The following MYEF2 variants were observed in gnomAD, a reference collection of about 807,000 sequenced individuals.
The protein encoded by MYEF2 is myelin expression factor 2.
MYEF2 carries 37 observed loss-of-function variants against 75.2 expected under a neutral mutation model. That is an observed-to-expected ratio of 0.49 (90% confidence interval 0.38 to 0.65). The LOEUF (loss-of-function observed/expected upper bound fraction) is 0.65. Ranked by LOEUF, MYEF2 falls within the 30% of genes least tolerant of loss-of-function variation. The pLI is 0.00. For missense variants in MYEF2, 634 were observed against 771.4 expected, an observed-to-expected ratio of 0.82 and a Z score of 2.11; for synonymous variants, 195 against 241.6, an observed-to-expected ratio of 0.81 and a Z score of 1.79.
chr15:48,172,282 C>G (rs2040368075), intron 1 of MYEF2, among the ~76,000 whole-genome samples: 1 of 151,920 alleles, frequency 6.6e-6, no homozygotes, highest in African/African-American at 2.4e-5. Context: ...TGCCTGTAAT[C>G]CCAGCTGCTT....
chr15:48,169,204 A>G (rs1288282960), intron 1 of MYEF2, among the ~76,000 whole-genome samples: 7 of 152,222 alleles, frequency 4.6e-5, no homozygotes, highest in Non-Finnish European at 8.8e-5. Context: ...CCTTTGATGG[A>G]GAATTAACTT....
intron 12 of MYEF2, 117 bp downstream of exon 12, chr15:48,151,757 G>T: frequency 1.6e-6 from 2 of 1,253,494 alleles, no homozygotes; most frequent in Middle Eastern, 1.9e-4. Context: ...TTATCCCCTA[G>T]TGCCTATATG....
intron 1 of MYEF2, among the ~76,000 whole-genome samples, chr15:48,176,858 A>C (rs184145142): frequency 6.5e-4 from 99 of 152,148 alleles, no homozygotes; most frequent in Admixed American, 1.0e-3. Context: ...AACTCCACTA[A>C]GTTCCAATCT....
rs1183906552 is a variant in MYEF2 at position 48,139,973 on chromosome 15, G to A, written c.*2935C>T. On this transcript the variant is annotated 3_prime_UTR_variant, in exon 17 of 17. Coordinates refer to ENST00000324324, the MANE Select transcript of MYEF2 (RefSeq NM_016132.5). ...CAACAGAAATCACACAGCCTGCAAA[G>A]CCTAAATAATTACTATCTGGCCCCT... 2.0e-5 allele frequency: 3 copies of A among 152,170 alleles called. No homozygotes were observed. In the East Asian group the frequency reaches 5.8e-4, roughly 29 times the overall value. 9.4% of individuals were successfully genotyped at this position (152,170 alleles called of 1,614,324 possible).
At position 48,159,782 on chromosome 15, in the gene MYEF2, C is replaced by A; in HGVS notation, c.548G>T (p.Arg183Leu). 6.2e-6 allele frequency: 10 copies of A among 1,612,954 alleles called. No individual in the cohort carries two copies. The highest frequency in any genetic ancestry group is 1.7e-4 in the Middle Eastern group (1 of 6,052). Residue 183 changes from arginine (R) to leucine (L), a missense_variant, in exon 6 of 17, where the codon CGT becomes CTT. Physicochemically the swap from Arg to Leu is moderately radical, Grantham distance 102 (BLOSUM62 -2). Coordinates refer to ENST00000324324, the MANE Select transcript of MYEF2 (RefSeq NM_016132.5). The stretch of plus-strand genomic sequence containing the variant: ...TCCTCCTGTTCGCTGCAATGCCCTA[C>A]GAGCATTTTCTCCATCAGGATCCTA... ...IKEDPDGENA[R>L]RALQRTGGSF...
At position 48,142,353 on chromosome 15, in the gene MYEF2, A is replaced by G. The variant is rs140325992; in HGVS notation, c.*555T>C. The stretch of plus-strand genomic sequence containing the variant: ...AAAATAAGGGGCTGTGGAGGTTGAT[A>G]TTATTAATAGTGTTATGCAGAAAAT... On this transcript the variant is annotated 3_prime_UTR_variant, in exon 17 of 17. Transcript: ENST00000324324. 3.8e-6 allele frequency: 6 copies of G among 1,574,268 alleles called. No homozygotes were observed. In the African/African-American group the frequency reaches 5.5e-5, roughly 14 times the overall value.
chr15:48,161,564 C>T (rs943279145), intron 5 of MYEF2, among the ~76,000 whole-genome samples: 4 of 151,120 alleles, frequency 2.6e-5, no homozygotes, highest in South Asian at 2.1e-4. Flanking sequence ...TTAAAAATGG[C>T]GGCATCCTCT....
intron 1 of MYEF2, among the ~76,000 whole-genome samples, chr15:48,171,395 T>C (rs532595376): frequency 6.6e-6 from 1 of 152,160 alleles, no homozygotes; most frequent in Non-Finnish European, 1.5e-5. Flanking sequence ...TGGGGTTACA[T>C]AGATTAAATA....
chr15:48,176,254 C>G (rs1240075735), intron 1 of MYEF2, among the ~76,000 whole-genome samples: 1 of 148,038 alleles, frequency 6.8e-6, no homozygotes, highest in Admixed American at 6.8e-5. Flanking sequence ...GACTAGGTCG[C>G]TAGTTATTCA....
chr15:48,178,257 C>T lies in MYEF2; in HGVS notation c.-20G>A, dbSNP rs2040635231. Reference sequence around the variant, plus strand: ...CGCCATCCCGCCGCCGCTGCCTCCGCCTCGGCCGCCTGAGCTGAGGGGCTC... The same window carrying T: ...CGCCATCCCGCCGCCGCTGCCTCCGTCTCGGCCGCCTGAGCTGAGGGGCTC... On this transcript the variant is annotated 5_prime_UTR_variant, in exon 1 of 17. Coordinates refer to ENST00000324324, the MANE Select transcript of MYEF2 (RefSeq NM_016132.5). 7.2e-7 allele frequency: 1 copy of T among 1,384,080 alleles called. No homozygotes were observed. The highest frequency in any genetic ancestry group is 1.5e-5 in the African/African-American group (1 of 65,130). 85.7% of individuals were successfully genotyped at this position (1,384,080 alleles called of 1,614,324 possible).
At chr15:48,143,384 G>A (rs560285852) in intron 16 of MYEF2, among the ~76,000 whole-genome samples, 6 of 151,964 alleles carry the variant, frequency 3.9e-5, no homozygotes, top group South Asian at 2.1e-4. Context: ...ACAAAATGCC[G>A]CCAACTCACC....
At chr15:48,174,724 C>T (rs1249422239) in intron 1 of MYEF2, among the ~76,000 whole-genome samples, 1 of 151,988 alleles carries the variant, frequency 6.6e-6, no homozygotes, top group Non-Finnish European at 1.5e-5. Flanking sequence ...GGAAATACAA[C>T]TCAAAACCAG....
At chr15:48,176,014 A>T (rs1053389561) in intron 1 of MYEF2, among the ~76,000 whole-genome samples, 1 of 152,156 alleles carries the variant, frequency 6.6e-6, no homozygotes, top group African/African-American at 2.4e-5. Flanking sequence ...CCCACCCTCA[A>T]TAACTATGGA....
At position 48,142,761 on chromosome 15, in the gene MYEF2, T is replaced by C; in HGVS notation, c.*147A>G. Reference sequence around the variant, plus strand: ...AGATTAACAAAAATTACAGTATATTTTTAACATTATACTGTTAAAAGCTGG... The same window carrying C: ...AGATTAACAAAAATTACAGTATATTCTTAACATTATACTGTTAAAAGCTGG... On this transcript the variant is annotated 3_prime_UTR_variant, in exon 17 of 17. Transcript: ENST00000324324. 2.7e-6 allele frequency: 2 copies of C among 753,198 alleles called. No homozygotes were observed. The highest frequency in any genetic ancestry group is 4.0e-6 in the Non-Finnish European group (2 of 503,220). The allele number at this position is 753,198 out of a possible 1,614,324, so 46.7% of individuals were successfully genotyped here.
chr15:48,136,821 A>T lies in MYEF2; in HGVS notation c.*6087T>A. The T allele has an allele frequency of 6.2e-7, 1 of 1,613,816 alleles. No homozygotes were observed. Among genetic ancestry groups the T allele is most frequent in the South Asian group, 1.1e-5 (1 of 91,072 alleles). On this transcript the variant is annotated 3_prime_UTR_variant, in exon 17 of 17. Transcript: ENST00000324324. ...TTGCCAAAGCTATGGAGAGAAGTGA[A>T]CAACAGCCACTGATGGGCTGGGAAG... is the stretch of plus-strand genomic sequence containing the variant.
chr15:48,177,976 T>G, intron 1 of MYEF2, 101 bp downstream of exon 1: 1 of 1,453,932 alleles, frequency 6.9e-7, no homozygotes, highest in Non-Finnish European at 9.2e-7. Context: ...GGCCGGGGTC[T>G]GGGGGTGGTT....
At chr15:48,153,625 T>C (rs1356843893) in intron 10 of MYEF2, 167 bp downstream of exon 10, 2 of 598,072 alleles carry the variant, frequency 3.3e-6, no homozygotes, top group East Asian at 5.8e-5. Context: ...ATCTCTTTCA[T>C]GTTAGCTGTG....
intron 1 of MYEF2, among the ~76,000 whole-genome samples, chr15:48,172,409 A>T (rs971599843): frequency 1.1e-4 from 17 of 151,972 alleles, no homozygotes; most frequent in South Asian, 6.3e-4. Context: ...TCAAAAAAAA[A>T]AAAAAGAATA....
chr15:48,142,336 G>A lies in MYEF2; in HGVS notation c.*572C>T, dbSNP rs201395905. Reference sequence around the variant, plus strand: ...GAATTATTGGAAATAATAAAATAAGGGGCTGTGGAGGTTGATATTATTAAT... The same window carrying A: ...GAATTATTGGAAATAATAAAATAAGAGGCTGTGGAGGTTGATATTATTAAT... On this transcript the variant is annotated 3_prime_UTR_variant, in exon 17 of 17. Transcript: ENST00000324324. 2.1e-5 allele frequency: 33 copies of A among 1,597,452 alleles called. No individual in the cohort carries two copies. In the African/African-American group the frequency reaches 4.1e-4, roughly 20 times the overall value.
Sources: allele counts gnomAD v4.1 joint callset (sites outside exome capture counted in the v4.1 genomes callset), GRCh38; gene constraint gnomAD v4.1.1; transcripts MANE v1.5; gene names NCBI Gene and HGNC (gene_info 2026-07-23, HGNC 2026-07-21).